RBFOX3: variants seen among roughly 807,000 people sequenced by gnomAD.
The protein encoded by RBFOX3 is RNA binding fox-1 homolog 3.
Under a neutral mutation model 48.7 loss-of-function variants are expected in RBFOX3, and 17 were observed. The observed-to-expected ratio is 0.35, with a 90% CI of 0.24 to 0.52. RBFOX3 has a LOEUF of 0.52. RBFOX3 is among the 20% of genes least tolerant of loss of function. The pLI, the probability that RBFOX3 is intolerant of heterozygous loss-of-function variation, is 0.94. For synonymous variants in RBFOX3, 212 were observed against 209.5 expected (o/e 1.01, Z -0.10); for missense variants, 382 against 497.5 (o/e 0.77, Z 2.21).
chr17:79,658,278 TCCTCCTCCTC>T, the RBFOX3 span, among the ~76,000 whole-genome samples: 1 of 146,466 alleles, frequency 6.8e-6, no homozygotes, highest in African/African-American at 2.5e-5. Context: ...CCTCCCTGTC[TCCTCCTCCTC>T]CACCCTTCCC....
At chr17:79,227,256 C>T (rs2060414561) in intron 4 of RBFOX3, among the ~76,000 whole-genome samples, 1 of 152,178 alleles carries the variant, frequency 6.6e-6, no homozygotes. Flanking sequence ...CTGAGAGGTC[C>T]AGCGAAGCAG....
chr17:79,301,059 C>T (rs1179259498), intron 3 of RBFOX3, among the ~76,000 whole-genome samples: 1 of 152,232 alleles, frequency 6.6e-6, no homozygotes, highest in African/African-American at 2.4e-5. Flanking sequence ...CAGATCACCC[C>T]TTCCCAGTCA....
chr17:79,595,979 G>A (rs1479201079), intron 1 of RBFOX3, among the ~76,000 whole-genome samples: 5 of 152,152 alleles, frequency 3.3e-5, no homozygotes, highest in African/African-American at 1.2e-4. Context: ...GATGCAGCTG[G>A]CCCCAGGGTC....
In RBFOX3 at chr17:79,205,203, G is replaced by C. The variant is rs1157886349; in HGVS notation, c.-34+30563C>G. The stretch of plus-strand genomic sequence containing the variant: ...CCAGAGAACCTGTGTCCTGGGGAAG[G>C]GGACTAGCAGAAGTTTTGCAGGCAG... On this transcript the variant is annotated intron_variant, in intron 4 of 14. Coordinates refer to ENST00000693108, the MANE Select transcript of RBFOX3 (RefSeq NM_001350451.2). The surrounding 1 kb of genome is among the most constrained non-coding windows in gnomAD (Gnocchi z 4.5). 6.6e-6 allele frequency among the ~76,000 whole-genome samples: 1 copy of C among 152,142 alleles called. No individual in the cohort carries two copies. Among genetic ancestry groups the C allele is most frequent in the Non-Finnish European group, 1.5e-5 (1 of 68,032 alleles).
chr17:79,471,666 G>T lies in RBFOX3; in HGVS notation c.-175+10788C>A, dbSNP rs2077077943. Among the ~76,000 whole-genome samples the T allele has an allele frequency of 1.3e-5, 2 of 152,206 alleles. No homozygotes were observed. The highest frequency in any genetic ancestry group is 3.9e-4 in the East Asian group (2 of 5,184). On this transcript the variant is annotated intron_variant, in intron 2 of 14. Coordinates refer to ENST00000693108, the MANE Select transcript of RBFOX3 (RefSeq NM_001350451.2). This position sits in a 1 kb window ranked among gnomAD's most constrained non-coding sequence, Gnocchi z 4.0. The stretch of plus-strand genomic sequence containing the variant: ...GTTTAAAAGACAGTCATCACCCAAA[G>T]TGCTTTTTATAACAAGAAAGGACTC...
intron 2 of RBFOX3, among the ~76,000 whole-genome samples, chr17:79,372,521 G>A (rs1268844276): frequency 2.0e-5 from 3 of 151,690 alleles, no homozygotes; most frequent in Non-Finnish European, 2.9e-5. Flanking sequence ...GGCCAGGCCT[G>A]GCCCGGGCTC....
intron 14 of RBFOX3, among the ~76,000 whole-genome samples, chr17:79,091,560 G>C (rs1431283632): frequency 6.6e-6 from 1 of 152,240 alleles, no homozygotes; most frequent in African/African-American, 2.4e-5. Context: ...GCAGGCCACA[G>C]GGCCCTGCCT....
chr17:79,182,968 C>A (rs181663966), intron 4 of RBFOX3, among the ~76,000 whole-genome samples: 15,134 of 147,802 alleles, frequency 0.1, 807 homozygotes, highest in Non-Finnish European at 0.13. Flanking sequence ...TCCCCTCGGG[C>A]TTCCCCGGAG....
At chr17:79,185,877 G>T (rs541697603) in intron 4 of RBFOX3, among the ~76,000 whole-genome samples, 1 of 152,296 alleles carries the variant, frequency 6.6e-6, no homozygotes, top group African/African-American at 2.4e-5. Context: ...CAGAAATCAA[G>T]TTCTCTGCCC....
At chr17:79,112,561 G>A (rs1211339851) in intron 5 of RBFOX3, among the ~76,000 whole-genome samples, 1 of 152,298 alleles carries the variant, frequency 6.6e-6, no homozygotes, top group East Asian at 1.9e-4. Context: ...GGCTGCAGGG[G>A]CCACTGCTCT....
chr17:79,216,863 C>T (rs71387904), intron 4 of RBFOX3, among the ~76,000 whole-genome samples: 5 of 152,146 alleles, frequency 3.3e-5, no homozygotes, highest in African/African-American at 1.2e-4. Context: ...CAGAGCAGGC[C>T]TGAGGAACAC....
intron 1 of RBFOX3, among the ~76,000 whole-genome samples, chr17:79,488,015 T>C (rs1178639785): frequency 6.6e-6 from 1 of 151,720 alleles, no homozygotes; most frequent in East Asian, 1.9e-4. Context: ...TTCAGGCTCC[T>C]AGAGGTGGGG....
At chr17:79,426,463 GAC>G (rs1229050629) in intron 2 of RBFOX3, among the ~76,000 whole-genome samples, 3 of 152,204 alleles carry the variant, frequency 2.0e-5, no homozygotes, top group Admixed American at 2.0e-4. Flanking sequence ...GAGCACTCGC[GAC>G]ACAGTGTTCT....
chr17:79,129,568 CT>C (rs2038270586), intron 4 of RBFOX3, among the ~76,000 whole-genome samples: 1 of 152,240 alleles, frequency 6.6e-6, no homozygotes. Context: ...TCCTGAGACC[CT>C]GATATGCACC....
chr17:79,145,577 C>A (rs1308051994), intron 4 of RBFOX3, among the ~76,000 whole-genome samples: 1 of 152,230 alleles, frequency 6.6e-6, no homozygotes, highest in Non-Finnish European at 1.5e-5. Flanking sequence ...CCCCGCCCCA[C>A]CGCCCTGGCC....
At chr17:79,394,419 G>C (rs560261866) in intron 2 of RBFOX3, among the ~76,000 whole-genome samples, 2 of 152,116 alleles carry the variant, frequency 1.3e-5, no homozygotes, top group Non-Finnish European at 2.9e-5. Context: ...GTGCAGGTGG[G>C]GTTCATCTTA....
intron 3 of RBFOX3, among the ~76,000 whole-genome samples, chr17:79,257,621 C>A (rs1352821283): frequency 6.6e-6 from 1 of 152,160 alleles, no homozygotes; most frequent in Non-Finnish European, 1.5e-5. Flanking sequence ...TGCTCTGTTA[C>A]CCAGGATGGA....
At position 79,254,411 on chromosome 17, in the gene RBFOX3, A is replaced by G. The variant is rs1414185614; in HGVS notation, c.-73-18606T>C. On this transcript the variant is annotated intron_variant, in intron 3 of 14. Coordinates refer to ENST00000693108, the MANE Select transcript of RBFOX3 (RefSeq NM_001350451.2). The surrounding 1 kb of genome is among the most constrained non-coding windows in gnomAD (Gnocchi z 4.8). The stretch of plus-strand genomic sequence containing the variant: ...TACCCCCAAACCTGCCCCCCAATCC[A>G]GGACACATGGCACCAGGGCCCAGCC... 1.3e-5 allele frequency among the ~76,000 whole-genome samples: 2 copies of G among 149,982 alleles called. No individual in the cohort carries two copies. Among genetic ancestry groups the G allele is most frequent in the East Asian group, 2.0e-4 (1 of 5,004 alleles).
At chr17:79,439,862 C>T (rs782819904) in intron 2 of RBFOX3, among the ~76,000 whole-genome samples, 14 of 152,266 alleles carry the variant, frequency 9.2e-5, no homozygotes, top group Non-Finnish European at 2.1e-4. Flanking sequence ...TGACCCAACT[C>T]TACTCTCTGG....
Sources: gnomAD v4.1 joint callset for allele counts (sites outside exome capture counted in the v4.1 genomes callset) on GRCh38, gnomAD v4.1.1 for gene constraint, Gnocchi (gnomAD v3.1) non-coding constraint, MANE v1.5 for transcripts, NCBI Gene and HGNC (gene_info 2026-07-23, HGNC 2026-07-21) for gene names.